The following HMBOX1 variants were observed in gnomAD, a reference collection of about 807,000 sequenced individuals.
HMBOX1 encodes homeobox-containing protein 1.
In HMBOX1, 14 loss-of-function variants were observed where a neutral mutation model predicts 54.5. The ratio of observed to expected loss-of-function variants is 0.26; its 90% confidence interval spans 0.17 to 0.40. HMBOX1 has a LOEUF of 0.40. Ranked by LOEUF, HMBOX1 falls within the 10% of genes least tolerant of loss-of-function variation. The pLI, the probability that HMBOX1 is intolerant of heterozygous loss-of-function variation, is 1.00. For missense variants in HMBOX1, 332 were observed against 514.4 expected (o/e 0.65, Z 3.43); for synonymous variants, 160 against 181.0 (o/e 0.88, Z 0.93).
chr8:29,033,484 T>A (rs1258054096), intron 6 of HMBOX1, among the ~76,000 whole-genome samples: 1 of 152,214 alleles, frequency 6.6e-6, no homozygotes, highest in Non-Finnish European at 1.5e-5. Context: ...ACAGGTAAAG[T>A]TATCCCAATC....
chr8:28,911,652 A>T (rs1409969291), intron 1 of HMBOX1, among the ~76,000 whole-genome samples: 2 of 151,968 alleles, frequency 1.3e-5, no homozygotes, highest in Non-Finnish European at 2.9e-5. Flanking sequence ...CACCGCGCCT[A>T]GCTGCTGCTT....
chr8:28,946,278 G>T (rs1393263072), intron 1 of HMBOX1, among the ~76,000 whole-genome samples: 1 of 151,894 alleles, frequency 6.6e-6, no homozygotes, highest in Non-Finnish European at 1.5e-5. Context: ...TAATACAATT[G>T]TGTTGCCCAG....
chr8:28,934,406 A>G (rs1345005426), intron 1 of HMBOX1, among the ~76,000 whole-genome samples: 1 of 152,212 alleles, frequency 6.6e-6, no homozygotes, highest in Non-Finnish European at 1.5e-5. Flanking sequence ...GACTGGCAGC[A>G]GGGCAAGAAT....
chr8:28,928,251 A>ATGT (rs1047114975), intron 1 of HMBOX1, among the ~76,000 whole-genome samples: 4 of 152,190 alleles, frequency 2.6e-5, no homozygotes, highest in Non-Finnish European at 5.9e-5. Context: ...TCCCAAGAAA[A>ATGT]TACCTCTTGA....
chr8:28,995,885 A>G (rs1379342650), intron 4 of HMBOX1, among the ~76,000 whole-genome samples: 3 of 151,990 alleles, frequency 2.0e-5, no homozygotes, highest in African/African-American at 7.3e-5. Flanking sequence ...GGTGGATCAC[A>G]AGGTCAGGAG....
chr8:29,024,412 G>A (rs190996043), intron 6 of HMBOX1, among the ~76,000 whole-genome samples: 4 of 152,176 alleles, frequency 2.6e-5, no homozygotes, highest in Non-Finnish European at 1.5e-5. Context: ...TATACCGTAA[G>A]TGTTGGCATT....
chr8:29,047,767 A>G (rs1366467586), intron 8 of HMBOX1, among the ~76,000 whole-genome samples: 2 of 152,046 alleles, frequency 1.3e-5, no homozygotes, highest in South Asian at 2.1e-4. Context: ...GGGTGTCTCT[A>G]TGTTGGTCAG....
chr8:28,988,927 A>G (rs1830536973), intron 4 of HMBOX1, among the ~76,000 whole-genome samples: 1 of 152,098 alleles, frequency 6.6e-6, no homozygotes, highest in African/African-American at 2.4e-5. Flanking sequence ...ATGAAGTTAT[A>G]TTTATCATTT....
chr8:28,916,719 A>G (rs1816631151), intron 1 of HMBOX1, among the ~76,000 whole-genome samples: 1 of 152,076 alleles, frequency 6.6e-6, no homozygotes, highest in African/African-American at 2.4e-5. Context: ...ACGGTATTGT[A>G]AGTCTTACAA....
chr8:28,980,360 T>C (rs920748458), intron 4 of HMBOX1, among the ~76,000 whole-genome samples: 12 of 152,242 alleles, frequency 7.9e-5, no homozygotes, highest in Admixed American at 7.9e-4. Flanking sequence ...TAGTAAATTT[T>C]ATAGCATTTT....
At chr8:28,935,695 C>G (rs1254302840) in intron 1 of HMBOX1, among the ~76,000 whole-genome samples, 1 of 151,946 alleles carries the variant, frequency 6.6e-6, no homozygotes, top group African/African-American at 2.4e-5. Flanking sequence ...TCCATTTTAT[C>G]AAATTATAAA....
chr8:29,027,036 G>T (rs573367671), intron 6 of HMBOX1, among the ~76,000 whole-genome samples: 1 of 152,138 alleles, frequency 6.6e-6, no homozygotes, highest in African/African-American at 2.4e-5. Flanking sequence ...TTTTTAAAGA[G>T]GACCTGACTA....
chr8:28,960,781 T>TTTTTTTTTTTTTTTTTTG (rs1825420824), intron 1 of HMBOX1, among the ~76,000 whole-genome samples: 1 of 45,356 alleles, frequency 2.2e-5, no homozygotes, highest in Non-Finnish European at 4.6e-5. Context: ...TTTTTTTTTT[T>TTTTTTTTTTTTTTTTTTG]TTTTTTTTTT....
At chr8:28,980,372 A>T (rs1379592453) in intron 4 of HMBOX1, among the ~76,000 whole-genome samples, 2 of 152,184 alleles carry the variant, frequency 1.3e-5, no homozygotes, top group Non-Finnish European at 2.9e-5. Context: ...TAGCATTTTT[A>T]ATAAGCACAA....
rs1173936065 is a variant in HMBOX1 at position 29,045,397 on chromosome 8, G to A, written c.888G>A (p.Lys296=). The A allele has an allele frequency of 6.2e-7, 1 of 1,614,226 alleles. No individual in the cohort carries two copies. The highest frequency in any genetic ancestry group is 2.2e-5 in the East Asian group (1 of 44,894). The change falls in exon 7 of 10, where the codon AAG becomes AAA. Residue 296 remains lysine, a synonymous_variant. Coordinates refer to ENST00000287701, the MANE Select transcript of HMBOX1 (RefSeq NM_001135726.3). Reference sequence around the variant, plus strand: ...AGAATCAATACCCAGATGAAGCAAAGAGGGAAGAAATTGCAAACGCTTGCA... The same window carrying A: ...AGAATCAATACCCAGATGAAGCAAAAAGGGAAGAAATTGCAAACGCTTGCA... ...FNENQYPDEA[K]REEIANACNA...
intron 1 of HMBOX1, among the ~76,000 whole-genome samples, chr8:28,912,366 TAAAAAG>T (rs1010782033): frequency 1.4e-4 from 21 of 152,280 alleles, no homozygotes; most frequent in African/African-American, 5.1e-4. Flanking sequence ...TTTCCCATCT[TAAAAAG>T]AAAACACAAG....
chr8:28,911,949 A>G (rs1165075746), intron 1 of HMBOX1, among the ~76,000 whole-genome samples: 3 of 152,214 alleles, frequency 2.0e-5, no homozygotes, highest in Non-Finnish European at 4.4e-5. Context: ...TGCATTCAGT[A>G]AAAACTATAC....
At chr8:28,945,485 TG>T (rs1822265042) in intron 1 of HMBOX1, among the ~76,000 whole-genome samples, 1 of 152,118 alleles carries the variant, frequency 6.6e-6, no homozygotes, top group South Asian at 2.1e-4. Context: ...GTAGGGAGAG[TG>T]GTTGAAAACC....
At chr8:29,024,555 TAAATGTAAAATA>T (rs915170005) in intron 6 of HMBOX1, among the ~76,000 whole-genome samples, 2 of 152,084 alleles carry the variant, frequency 1.3e-5, no homozygotes, top group Non-Finnish European at 2.9e-5. Context: ...CAGGGGGAAA[TAAATGTAAAATA>T]AAATGTAAAA....
Sources: allele counts gnomAD v4.1 joint callset (sites outside exome capture counted in the v4.1 genomes callset), GRCh38; gene constraint gnomAD v4.1.1; transcripts MANE v1.5; gene names NCBI Gene and HGNC (gene_info 2026-07-23, HGNC 2026-07-21).